AHCTF1: variants seen among roughly 807,000 people sequenced by gnomAD.
AHCTF1 encodes the protein protein ELYS.
In AHCTF1, 24 loss-of-function variants were observed where a neutral mutation model predicts 248.4. The ratio of observed to expected loss-of-function variants is 0.10; its 90% CI spans 0.07 to 0.14. AHCTF1 has a LOEUF of 0.14. Ranked by LOEUF, AHCTF1 falls within the 10% of genes least tolerant of loss-of-function variation. AHCTF1 has a pLI of 1.00. For missense variants in AHCTF1, 2,206 were observed against 2,636.2 expected, an observed-to-expected ratio of 0.84 and a Z score of 3.57; for synonymous variants, 786 against 929.8, an observed-to-expected ratio of 0.85 and a Z score of 2.81.
At chr1:246,901,686 T>C (rs1691253) in intron 8 of AHCTF1, among the ~76,000 whole-genome samples, 7,295 of 151,718 alleles carry the variant, frequency 0.048, 601 homozygotes, top group African/African-American at 0.17. Context: ...GGTGTGGTGG[T>C]GTGTGCCGGC....
chr1:246,862,557 T>A (rs1661645829), intron 27 of AHCTF1, among the ~76,000 whole-genome samples: 1 of 152,088 alleles, frequency 6.6e-6, no homozygotes, highest in South Asian at 2.1e-4. Flanking sequence ...TCATCTCATC[T>A]CCAATAAACA....
At chr1:246,853,540 T>C (rs542906059) in intron 31 of AHCTF1, among the ~76,000 whole-genome samples, 17 of 152,346 alleles carry the variant, frequency 1.1e-4, no homozygotes, top group Admixed American at 4.6e-4. Flanking sequence ...AACATTAATA[T>C]GACGACCAAC....
At chr1:246,862,642 C>T (rs1378906891) in intron 27 of AHCTF1, among the ~76,000 whole-genome samples, 1 of 152,102 alleles carries the variant, frequency 6.6e-6, no homozygotes, top group African/African-American at 2.4e-5. Flanking sequence ...ATACGTAAGT[C>T]TACGAAACAT....
intron 35 of AHCTF1, among the ~76,000 whole-genome samples, chr1:246,841,873 C>CCT (rs1476682313): frequency 6.6e-6 from 1 of 152,044 alleles, no homozygotes; most frequent in Non-Finnish European, 1.5e-5. Context: ...CTCACTGCAA[C>CCT]CTCCGCCTCC....
At chr1:246,931,220 A>T (rs1487910601) in intron 1 of AHCTF1, 4 of 1,550,190 alleles carry the variant, frequency 2.6e-6, no homozygotes, top group Non-Finnish European at 3.5e-6. Flanking sequence ...CCCGCCAACG[A>T]GTCCATCGCG....
intron 21 of AHCTF1, among the ~76,000 whole-genome samples, chr1:246,882,566 G>A (rs1239517137): frequency 2.0e-5 from 3 of 152,056 alleles, no homozygotes; most frequent in Admixed American, 6.5e-5. Flanking sequence ...GTATTACAAA[G>A]AAAAAAGGCT....
At chr1:246,855,919 G>T (rs1452310024) in intron 30 of AHCTF1, 92 bp from the exon 31 acceptor site, 5 of 776,582 alleles carry the variant, frequency 6.4e-6, no homozygotes, top group Non-Finnish European at 1.0e-5. Context: ...TCATTTTGGT[G>T]ATGTAAACTG....
chr1:246,884,880 A>C (rs1663702658), intron 21 of AHCTF1, among the ~76,000 whole-genome samples: 1 of 152,190 alleles, frequency 6.6e-6, no homozygotes, highest in East Asian at 1.9e-4. Flanking sequence ...TCAAACAACC[A>C]ATATTAACAA....
rs754425825 is a variant in AHCTF1, at chr1:246,918,401, CATT to C, written c.-7-27_-7-25del. On this transcript the variant is annotated intron_variant, in intron 1 of 35. Transcript: ENST00000648844. ...CACTGTAAATATTTTTAAAAGAAAA[CATT>C]ATTATGACACATTTGTAGACAATAT... The C allele has an allele frequency of 2.9e-5, 46 of 1,593,544 alleles. No homozygotes were observed. In the East Asian group the frequency reaches 9.7e-4, roughly 34 times the overall value.
intron 1 of AHCTF1, chr1:246,931,143 A>G (rs1558292279): frequency 1.3e-6 from 2 of 1,550,164 alleles, no homozygotes; most frequent in Non-Finnish European, 8.7e-7. Context: ...GCCAGGCCCA[A>G]GCGCATGTGG....
intron 8 of AHCTF1, 47 bp from the exon 9 acceptor site, chr1:246,900,516 G>C (rs1201070923): frequency 1.9e-6 from 3 of 1,547,662 alleles, no homozygotes; most frequent in East Asian, 2.3e-5. Context: ...GAATCTCAAA[G>C]TAAAATCACC....
At chr1:246,920,813 C>T (rs372302812) in intron 1 of AHCTF1, among the ~76,000 whole-genome samples, 8 of 150,082 alleles carry the variant, frequency 5.3e-5, no homozygotes, top group Non-Finnish European at 1.2e-4. Context: ...CATCCAGGCA[C>T]GGTGCCTCAC....
At chr1:246,910,525 G>C (rs913901565) in intron 4 of AHCTF1, among the ~76,000 whole-genome samples, 2 of 152,216 alleles carry the variant, frequency 1.3e-5, no homozygotes, top group African/African-American at 4.8e-5. Flanking sequence ...GAACTAAACA[G>C]ACACACATAT....
Position 246,839,755 on chromosome 1 carries a change from T to C in AHCTF1, c.*1051A>G, listed in dbSNP as rs1436605823. 2 of 159,512 alleles carry C rather than the reference T, an allele frequency of 1.3e-5. No individual in the cohort carries two copies. The highest frequency in any genetic ancestry group is 2.5e-5 in the African/African-American group (1 of 39,756). 9.9% of individuals were successfully genotyped at this position (159,512 alleles called of 1,614,324 possible). ...CACACTATCGATTACCTGTTATAAATTATTTTACAACACTTATTTATTGAT... is the reference window on the plus strand; with the variant it reads ...CACACTATCGATTACCTGTTATAAACTATTTTACAACACTTATTTATTGAT... On this transcript the variant is annotated 3_prime_UTR_variant, in exon 36 of 36. Transcript: ENST00000648844.
At chr1:246,879,480 T>C (rs1478824749) in intron 21 of AHCTF1, among the ~76,000 whole-genome samples, 9 of 152,156 alleles carry the variant, frequency 5.9e-5, no homozygotes, top group Non-Finnish European at 1.3e-4. Context: ...CATAGCATTG[T>C]TTAAAATGGC....
At chr1:246,922,870 C>A (rs1197981089) in intron 1 of AHCTF1, among the ~76,000 whole-genome samples, 1 of 150,326 alleles carries the variant, frequency 6.7e-6, no homozygotes, top group Admixed American at 6.6e-5. Flanking sequence ...GTAGTCCCAG[C>A]TACTCGGGAG....
chr1:246,889,445 A>C (rs1664059708), intron 17 of AHCTF1, among the ~76,000 whole-genome samples: 1 of 152,214 alleles, frequency 6.6e-6, no homozygotes, highest in Non-Finnish European at 1.5e-5. Flanking sequence ...AGCATAACAA[A>C]GCTGCCAAGG....
chr1:246,919,354 T>C (rs1167801002), intron 1 of AHCTF1, among the ~76,000 whole-genome samples: 1 of 152,230 alleles, frequency 6.6e-6, no homozygotes, highest in African/African-American at 2.4e-5. Flanking sequence ...TCTGAGTCTC[T>C]TACTCAGAAA....
At chr1:246,877,106 A>G in intron 22 of AHCTF1, 25 bp from the exon 23 acceptor site, 1 of 1,612,352 alleles carries the variant, frequency 6.2e-7, no homozygotes, top group Non-Finnish European at 8.5e-7. Flanking sequence ...ATAGATTGTA[A>G]ACTACCAATT....
Sources: gnomAD v4.1 joint callset for allele counts (sites outside exome capture counted in the v4.1 genomes callset) on GRCh38, gnomAD v4.1.1 for gene constraint, MANE v1.5 for transcripts, NCBI Gene and HGNC (gene_info 2026-07-23, HGNC 2026-07-21) for gene names.